The following TRIM24 variants were observed in gnomAD, a reference collection of about 807,000 sequenced individuals.
TRIM24 encodes tripartite motif containing 24.
In TRIM24, 29 loss-of-function variants were observed where a neutral mutation model predicts 123.9. The observed-to-expected ratio is 0.23, with a 90% CI of 0.17 to 0.32. TRIM24 has a LOEUF of 0.32. TRIM24 is among the 10% of genes least tolerant of loss of function. The probability of loss-of-function intolerance (pLI) is 1.00; values close to 1 mark genes in which losing one functional copy is unlikely to be tolerated. For missense variants in TRIM24, 932 were observed against 1,295.3 expected (o/e 0.72, Z 4.31); for synonymous variants, 456 against 461.1 (o/e 0.99, Z 0.14).
intron 6 of TRIM24, among the ~76,000 whole-genome samples, chr7:138,536,939 TGCC>T (rs1309071518): frequency 3.9e-5 from 6 of 152,226 alleles, no homozygotes; most frequent in Admixed American, 2.6e-4. Flanking sequence ...CCAGCCTCGC[TGCC>T]GCCTTGCAGT....
intron 2 of TRIM24, among the ~76,000 whole-genome samples, chr7:138,511,537 G>A (rs1379050182): frequency 1.3e-5 from 2 of 151,982 alleles, no homozygotes; most frequent in East Asian, 1.9e-4. Flanking sequence ...TAATCCACCC[G>A]CCTCAGCCTC....
At chr7:138,528,202 C>T (rs765596676) in intron 5 of TRIM24, among the ~76,000 whole-genome samples, 9 of 152,190 alleles carry the variant, frequency 5.9e-5, no homozygotes, top group Non-Finnish European at 1.3e-4. Context: ...AGGCATGTCT[C>T]ATGACTTTCA....
intron 16 of TRIM24, among the ~76,000 whole-genome samples, chr7:138,581,398 T>G (rs1487700242): frequency 6.6e-6 from 1 of 152,234 alleles, no homozygotes; most frequent in Non-Finnish European, 1.5e-5. Context: ...GAGACGTACG[T>G]TCTTCCTTTA....
intron 1 of TRIM24, among the ~76,000 whole-genome samples, chr7:138,467,348 T>TTTA (rs2116448150): frequency 6.6e-6 from 1 of 151,610 alleles, no homozygotes; most frequent in African/African-American, 2.4e-5. Flanking sequence ...TGTTTTGTTT[T>TTTA]GTTTTGTTTT....
intron 10 of TRIM24, among the ~76,000 whole-genome samples, chr7:138,570,538 C>T (rs1156331841): frequency 6.6e-6 from 1 of 151,910 alleles, no homozygotes; most frequent in African/African-American, 2.4e-5. Context: ...TATATATTTA[C>T]ATTTTTTTTC....
At chr7:138,493,375 C>G (rs1016251387) in intron 1 of TRIM24, among the ~76,000 whole-genome samples, 2 of 152,198 alleles carry the variant, frequency 1.3e-5, no homozygotes, top group Non-Finnish European at 2.9e-5. Flanking sequence ...GATTCTCCTT[C>G]TACTCAGGGA....
intron 2 of TRIM24, among the ~76,000 whole-genome samples, chr7:138,508,692 T>TGTGTGCGCGCGTGC (rs1422176564): frequency 1.5e-5 from 2 of 137,214 alleles, no homozygotes. Context: ...TGTGTGTGTG[T>TGTGTGCGCGCGTGC]GCGCGCGCGT....
chr7:138,494,066 C>T (rs963755401), intron 1 of TRIM24, among the ~76,000 whole-genome samples: 9 of 152,006 alleles, frequency 5.9e-5, no homozygotes, highest in African/African-American at 2.2e-4. Flanking sequence ...ACTGGAACCT[C>T]CGCCTCCTGG....
At chr7:138,466,874 C>A (rs1795153778) in intron 1 of TRIM24, among the ~76,000 whole-genome samples, 1 of 151,998 alleles carries the variant, frequency 6.6e-6, no homozygotes, top group South Asian at 2.1e-4. Context: ...TTGCCTACCC[C>A]AAGTTTACTA....
intron 8 of TRIM24, among the ~76,000 whole-genome samples, chr7:138,552,725 C>T (rs1227695126): frequency 6.6e-6 from 1 of 152,060 alleles, no homozygotes; most frequent in Admixed American, 6.5e-5. Context: ...CAAAAAGAAT[C>T]CCGGAAGCAA....
chr7:138,563,246 G>A (rs1797464103), intron 9 of TRIM24, among the ~76,000 whole-genome samples: 1 of 152,178 alleles, frequency 6.6e-6, no homozygotes, highest in South Asian at 2.1e-4. Context: ...TCGGTATCTG[G>A]TTCCTTCAGG....
At chr7:138,463,124 A>G (rs1004737616) in intron 1 of TRIM24, among the ~76,000 whole-genome samples, 2 of 134,232 alleles carry the variant, frequency 1.5e-5, no homozygotes, top group African/African-American at 5.7e-5. Context: ...TCCCGACCTC[A>G]GGTGATCCGC....
intron 1 of TRIM24, among the ~76,000 whole-genome samples, chr7:138,488,244 A>G (rs867279000): frequency 3.6e-4 from 53 of 145,474 alleles, no homozygotes; most frequent in African/African-American, 1.2e-3. Flanking sequence ...TTTCTTCTTT[A>G]TTAGTCTTGG....
At chr7:138,549,863 T>C (rs1377325301) in intron 7 of TRIM24, among the ~76,000 whole-genome samples, 8 of 152,238 alleles carry the variant, frequency 5.3e-5, no homozygotes, top group Admixed American at 3.3e-4. Flanking sequence ...ACTGCACAAG[T>C]GGAAGGCTGG....
intron 1 of TRIM24, among the ~76,000 whole-genome samples, chr7:138,480,988 GTTA>G (rs762956333): frequency 3.3e-5 from 5 of 151,434 alleles, no homozygotes; most frequent in South Asian, 2.1e-4. Context: ...TTTTTAAAAA[GTTA>G]TTATTATTAT....
intron 1 of TRIM24, among the ~76,000 whole-genome samples, chr7:138,463,051 T>TG (rs1006894255): frequency 1.6e-5 from 2 of 124,760 alleles, no homozygotes; most frequent in African/African-American, 6.0e-5. Context: ...GTGTTTTTTT[T>TG]TTTTTTTTTT....
At chr7:138,472,747 T>A (rs1247610548) in intron 1 of TRIM24, among the ~76,000 whole-genome samples, 1 of 152,218 alleles carries the variant, frequency 6.6e-6, no homozygotes, top group Non-Finnish European at 1.5e-5. Context: ...TATTAGGGTC[T>A]GAAACAAGAT....
chr7:138,517,566 G>T (rs1043253969), intron 3 of TRIM24, among the ~76,000 whole-genome samples: 22 of 151,982 alleles, frequency 1.4e-4, no homozygotes, highest in African/African-American at 5.3e-4. Flanking sequence ...TAGAGACGGG[G>T]TTTCACCATG....
At chr7:138,463,043 GTTTTTTTTTTTTT>G (rs57719141) in intron 1 of TRIM24, among the ~76,000 whole-genome samples, 62 of 60,138 alleles carry the variant, frequency 1.0e-3, no homozygotes, top group Admixed American at 4.2e-3. Flanking sequence ...CTAATTTTGT[GTTTTTTTTTTTTT>G]TTTTTTTTTT....
Sources: allele counts gnomAD v4.1 joint callset (sites outside exome capture counted in the v4.1 genomes callset), GRCh38; gene constraint gnomAD v4.1.1; transcripts MANE v1.5; gene names NCBI Gene and HGNC (gene_info 2026-07-23, HGNC 2026-07-21).